Variants in GPSM2 observed in about 807,000 individuals in gnomAD.
The protein encoded by GPSM2 is G protein signaling modulator 2.
Under a neutral mutation model 78.4 loss-of-function variants are expected in GPSM2, and 58 were observed. That is an observed-to-expected ratio of 0.74 (90% CI 0.60 to 0.92). The LOEUF (loss-of-function observed/expected upper bound fraction) is 0.92, where lower values mean the gene tolerates loss of function less well. Among genes scored for constraint, GPSM2 ranks in the 40% least tolerant of loss-of-function variants. The pLI is 0.00. For missense variants in GPSM2, 700 were observed against 815.5 expected (o/e 0.86, Z 1.73); for synonymous variants, 224 against 280.2 (o/e 0.80, Z 2.00).
rs839551 is a variant in GPSM2, at chr1:108,931,959, T to C, written c.*2019T>C. 7,344 of 153,714 alleles carry C rather than the reference T, an allele frequency of 0.048. 236 individuals carry two copies. Among genetic ancestry groups the C allele is most frequent in the African/African-American group, 0.061 (2,553 of 41,544 alleles). The allele number at this position is 153,714 out of a possible 1,614,324, so 9.5% of individuals were successfully genotyped here. The stretch of plus-strand genomic sequence containing the variant: ...TTGTTTTTAACAGCTGTCTACCCTG[T>C]TCTGATTTTCCTAAAAGCTTCACAC... On this transcript the variant is annotated 3_prime_UTR_variant, in exon 15 of 15. Transcript: ENST00000264126.
intron 2 of GPSM2, among the ~76,000 whole-genome samples, chr1:108,892,032 G>A (rs1648006075): frequency 6.6e-6 from 1 of 152,032 alleles, no homozygotes; most frequent in African/African-American, 2.4e-5. Flanking sequence ...TTGTTTATTG[G>A]GGCTAGCACT....
chr1:108,886,736 A>T (rs1395655133), intron 2 of GPSM2, among the ~76,000 whole-genome samples: 1 of 152,186 alleles, frequency 6.6e-6, no homozygotes, highest in African/African-American at 2.4e-5. Flanking sequence ...TCAGGATCCA[A>T]ATCAGACATA....
chr1:108,915,512 C>T (rs1303294921), intron 11 of GPSM2, among the ~76,000 whole-genome samples: 1 of 151,062 alleles, frequency 6.6e-6, no homozygotes, highest in African/African-American at 2.4e-5. Context: ...CTGCACCCTC[C>T]ACCTCCCAGG....
intron 2 of GPSM2, among the ~76,000 whole-genome samples, chr1:108,894,650 A>G (rs530558999): frequency 1.3e-5 from 2 of 152,110 alleles, no homozygotes; most frequent in South Asian, 4.1e-4. Flanking sequence ...GTTAGCCAAG[A>G]TTGTACTGCT....
intron 10 of GPSM2, among the ~76,000 whole-genome samples, chr1:108,904,972 C>A (rs536909272): frequency 7.3e-5 from 11 of 150,506 alleles, no homozygotes; most frequent in Admixed American, 2.0e-4. Flanking sequence ...TTGAGAAATT[C>A]TCAGTCTAAA....
intron 11 of GPSM2, among the ~76,000 whole-genome samples, chr1:108,916,808 T>G (rs1650268610): frequency 6.6e-6 from 1 of 152,234 alleles, no homozygotes; most frequent in Non-Finnish European, 1.5e-5. Flanking sequence ...TGTCAAAGAA[T>G]TCATTATTTC....
At chr1:108,890,721 T>C in intron 2 of GPSM2, among the ~76,000 whole-genome samples, 1 of 152,246 alleles carries the variant, frequency 6.6e-6, no homozygotes, top group East Asian at 1.9e-4. Context: ...GGTCCTCCTC[T>C]ATCCCTGGAG....
rs1411415908 is a variant in GPSM2, at chr1:108,904,228, A to C, written c.1166A>C (p.Asn389Thr). ...YSTNNSIMSE[N>T]TEIDSSLNGV... The stretch of plus-strand genomic sequence containing the variant: ...ACAAATAACTCCATAATGTCTGAAA[A>C]TACTGAAATTGATAGCAGTTTGAAT... The change falls in exon 10 of 15, where the codon AAT becomes ACT. Residue 389 changes from asparagine to threonine, a missense_variant. Asn to Thr is a moderately conservative substitution (Grantham distance 65, BLOSUM62 0). Coordinates refer to ENST00000264126, the MANE Select transcript of GPSM2 (RefSeq NM_013296.5). The C allele has an allele frequency of 6.2e-7, 1 of 1,600,268 alleles. No individual in the cohort carries two copies. Among genetic ancestry groups the C allele is most frequent in the East Asian group, 2.2e-5 (1 of 44,630 alleles).
chr1:108,908,207 T>G (rs1040175301), intron 10 of GPSM2, among the ~76,000 whole-genome samples: 1 of 151,032 alleles, frequency 6.6e-6, no homozygotes, highest in Non-Finnish European at 1.5e-5. Context: ...CCGTCTCCAC[T>G]AAAAATACAA....
At chr1:108,884,543 A>C (rs1419403612) in intron 1 of GPSM2, among the ~76,000 whole-genome samples, 1 of 152,228 alleles carries the variant, frequency 6.6e-6, no homozygotes, top group African/African-American at 2.4e-5. Context: ...ATTTAGGACT[A>C]TACTGACATT....
chr1:108,921,255 A>G (rs1650688521), intron 12 of GPSM2, among the ~76,000 whole-genome samples: 2 of 152,098 alleles, frequency 1.3e-5, no homozygotes, highest in African/African-American at 2.4e-5. Context: ...CCCTGACTGT[A>G]TAAAAAATAC....
At chr1:108,885,617 T>G in intron 2 of GPSM2, 39 bp downstream of exon 2, 1 of 1,236,224 alleles carries the variant, frequency 8.1e-7, no homozygotes, top group Non-Finnish European at 1.2e-6. Context: ...CTTTTAATCC[T>G]TATTTTAAAG....
At chr1:108,890,394 G>A (rs115525764) in intron 2 of GPSM2, among the ~76,000 whole-genome samples, 63 of 152,338 alleles carry the variant, frequency 4.1e-4, no homozygotes, top group African/African-American at 1.5e-3. Context: ...GGAATGGCTT[G>A]TACCTCTGCC....
At position 108,924,123 on chromosome 1, in the gene GPSM2, C is replaced by T. The variant is rs370226461; in HGVS notation, c.1724C>T (p.Thr575Ile). The part of the protein sequence containing the change: ...SFSNLPGLRL[T>I]QNSQSVLSHL... ...AGTAATTTGCCAGGGCTTCGTCTAA[C>T]ACAAAACAGCCAGTCGGTACTTAGC... The change falls in exon 14 of 15, where the codon ACA (threonine) becomes ATA (isoleucine). Residue 575 changes from threonine to isoleucine, a missense_variant. By Grantham distance (89) the Thr-to-Ile change is moderately conservative. Transcript: ENST00000264126. The T allele has an allele frequency of 1.9e-6, 3 of 1,613,624 alleles. No homozygotes were observed. Among genetic ancestry groups the T allele is most frequent in the Non-Finnish European group, 2.5e-6 (3 of 1,179,692 alleles).
intron 7 of GPSM2, among the ~76,000 whole-genome samples, chr1:108,900,652 G>T (rs537811210): frequency 2.0e-5 from 3 of 152,210 alleles, no homozygotes; most frequent in South Asian, 4.1e-4. Flanking sequence ...GTTCCAGAAA[G>T]ATTTCTGATC....
At chr1:108,906,285 C>T (rs1045200066) in intron 10 of GPSM2, among the ~76,000 whole-genome samples, 1 of 151,880 alleles carries the variant, frequency 6.6e-6, no homozygotes, top group Non-Finnish European at 1.5e-5. Flanking sequence ...ACTCTGTTGC[C>T]CGAGCTGGTC....
In GPSM2 at chr1:108,901,865, A is replaced by C; in HGVS notation, c.873A>C (p.Thr291=). 1 of 1,610,590 alleles carries C rather than the reference A, an allele frequency of 6.2e-7. No individual in the cohort carries two copies. Among genetic ancestry groups the C allele is most frequent in the East Asian group, 2.2e-5 (1 of 44,850 alleles). Residue 291 remains threonine (T), a synonymous_variant, in exon 8 of 15, where the codon ACA becomes ACC. Transcript: ENST00000264126. The part of the protein sequence containing the change: ...EAQSCYSLGN[T]YTLLQDYEKA... ...AGTCTTGTTACAGTCTTGGAAATAC[A>C]TATACTTTACTTCAAGACTATGAAA...
chr1:108,931,322 G>A lies in GPSM2; in HGVS notation c.*1382G>A. 2 of 1,547,160 alleles carry A rather than the reference G, an allele frequency of 1.3e-6. No homozygotes were observed. The highest frequency in any genetic ancestry group is 2.4e-5 in the South Asian group (2 of 83,548). On this transcript the variant is annotated 3_prime_UTR_variant, in exon 15 of 15. Coordinates refer to ENST00000264126, the MANE Select transcript of GPSM2 (RefSeq NM_013296.5). ...GTCTTCCTTATCCCAGATATTGAAG[G>A]CAGTTTACAAGGGGATGATAACAAA...
chr1:108,881,512 G>A (rs1317058309), intron 1 of GPSM2, among the ~76,000 whole-genome samples: 1 of 152,146 alleles, frequency 6.6e-6, no homozygotes, highest in Non-Finnish European at 1.5e-5. Flanking sequence ...CATGTAATGA[G>A]GAACATGAGT....
Sources: gnomAD v4.1 joint callset for allele counts (sites outside exome capture counted in the v4.1 genomes callset) on GRCh38, gnomAD v4.1.1 for gene constraint, MANE v1.5 for transcripts, NCBI Gene and HGNC (gene_info 2026-07-23, HGNC 2026-07-21) for gene names.